The following CFAP96 variants were observed in gnomAD, a reference collection of about 807,000 sequenced individuals.
CFAP96 encodes cilia and flagella associated protein 96.
At chr4:185,410,763 G>A in the CFAP96 span, among the ~76,000 whole-genome samples, 21 of 151,976 alleles carry the variant, frequency 1.4e-4, no homozygotes, top group African/African-American at 2.4e-4. Context: ...TGGCCAATAC[G>A]GTGAAACCCC....
At chr4:185,428,287 T>C in the CFAP96 span, among the ~76,000 whole-genome samples, 2 of 151,566 alleles carry the variant, frequency 1.3e-5, no homozygotes, top group South Asian at 4.2e-4. Flanking sequence ...TAGAAATTAA[T>C]TTCTGGCCGG....
chr4:185,431,300 A>G, the CFAP96 span, among the ~76,000 whole-genome samples: 1 of 152,006 alleles, frequency 6.6e-6, no homozygotes, highest in Non-Finnish European at 1.5e-5. Context: ...AAACTTCTCC[A>G]TGTTTCCAAA....
At chr4:185,425,536 T>A in the CFAP96 span, among the ~76,000 whole-genome samples, 1 of 152,146 alleles carries the variant, frequency 6.6e-6, no homozygotes, top group Admixed American at 6.5e-5. Flanking sequence ...GGGAATATAA[T>A]ATCCGAAGAA....
chr4:185,433,396 CAAAAAAA>C, the CFAP96 span, among the ~76,000 whole-genome samples: 5 of 27,948 alleles, frequency 1.8e-4, no homozygotes, highest in African/African-American at 5.4e-4. Flanking sequence ...GACTCCATCT[CAAAAAAA>C]AAAAAAAAAA....
the CFAP96 span, chr4:185,440,446 ATC>A: frequency 1.3e-6 from 1 of 775,946 alleles, no homozygotes; most frequent in Non-Finnish European, 2.0e-6. Context: ...AGATTTAAGA[ATC>A]ATATTTATAT....
At chr4:185,442,440 C>T in the CFAP96 span, among the ~76,000 whole-genome samples, 2 of 151,778 alleles carry the variant, frequency 1.3e-5, no homozygotes, top group Non-Finnish European at 2.9e-5. Flanking sequence ...GTATTTTTCC[C>T]CATCATATTT....
At chr4:185,412,549 G>A in the CFAP96 span, among the ~76,000 whole-genome samples, 1 of 152,172 alleles carries the variant, frequency 6.6e-6, no homozygotes, top group African/African-American at 2.4e-5. Context: ...ACTGAGAGGT[G>A]CAGAGTTAGC....
chr4:185,419,376 C>T, the CFAP96 span, among the ~76,000 whole-genome samples: 2 of 152,236 alleles, frequency 1.3e-5, no homozygotes, highest in South Asian at 2.1e-4. Flanking sequence ...GTGATCCACC[C>T]GCCTCGGCCT....
the CFAP96 span, among the ~76,000 whole-genome samples, chr4:185,429,077 A>C: frequency 1.3e-5 from 2 of 152,242 alleles, no homozygotes; most frequent in Non-Finnish European, 2.9e-5. Context: ...ATGGCAGTGT[A>C]ATCGATGAGA....
At chr4:185,439,844 T>G in the CFAP96 span, among the ~76,000 whole-genome samples, 1 of 148,206 alleles carries the variant, frequency 6.7e-6, no homozygotes, top group Non-Finnish European at 1.5e-5. Flanking sequence ...ATCTCATATA[T>G]ACATATAAAA....
chr4:185,410,167 A>G, the CFAP96 span, among the ~76,000 whole-genome samples: 1 of 152,224 alleles, frequency 6.6e-6, no homozygotes, highest in Non-Finnish European at 1.5e-5. Flanking sequence ...AAAAAGCAAA[A>G]AAGAAAAATA....
At chr4:185,429,606 T>C in the CFAP96 span, 1 of 742,184 alleles carries the variant, frequency 1.3e-6, no homozygotes, top group Non-Finnish European at 2.2e-6. Context: ...TTTTAATGGT[T>C]TATATTTTAA....
At chr4:185,429,294 T>G in the CFAP96 span, 4 of 556,582 alleles carry the variant, frequency 7.2e-6, no homozygotes, top group Non-Finnish European at 1.2e-5. Context: ...CACTTTTTTC[T>G]AAACTTTTCC....
chr4:185,411,159 T>C, the CFAP96 span, among the ~76,000 whole-genome samples: 1 of 148,176 alleles, frequency 6.7e-6, no homozygotes, highest in South Asian at 2.1e-4. Context: ...AAAAATGATA[T>C]GAAGAATGAA....
At chr4:185,412,788 C>A in the CFAP96 span, among the ~76,000 whole-genome samples, 1 of 152,024 alleles carries the variant, frequency 6.6e-6, no homozygotes, top group African/African-American at 2.4e-5. Flanking sequence ...ACTGAAGACA[C>A]CTGCTAGTCA....
chr4:185,408,575 TGG>T, the CFAP96 span: 1 of 874,884 alleles, frequency 1.1e-6, no homozygotes, highest in Non-Finnish European at 1.7e-6. Context: ...CACAGATCTA[TGG>T]TTTAACATTA....
the CFAP96 span, chr4:185,413,834 G>A: frequency 4.3e-6 from 7 of 1,612,880 alleles, no homozygotes; most frequent in Non-Finnish European, 5.9e-6. Context: ...TTTTGAAATA[G>A]GGTCTGTCGT....
the CFAP96 span, chr4:185,429,540 G>A: frequency 1.3e-5 from 15 of 1,155,928 alleles, no homozygotes; most frequent in Non-Finnish European, 1.8e-5. Flanking sequence ...CTCTATGGAC[G>A]AATAGTGGGT....
At chr4:185,413,890 C>A in the CFAP96 span, 1 of 1,565,450 alleles carries the variant, frequency 6.4e-7, no homozygotes, top group Admixed American at 2.0e-5. Flanking sequence ...AAATCAGAAT[C>A]AACAGAAAAA....
Sources: allele counts gnomAD v4.1 joint callset (sites outside exome capture counted in the v4.1 genomes callset), GRCh38; gene constraint gnomAD v4.1.1; transcripts MANE v1.5; gene names NCBI Gene and HGNC (gene_info 2026-07-23, HGNC 2026-07-21).